The following FAHD2B variants were observed in gnomAD, a reference collection of about 807,000 sequenced individuals.
FAHD2B encodes the protein fumarylacetoacetate hydrolase domain containing 2B, also known as oxaloacetate tautomerase FAHD2B, mitochondrial.
A neutral mutation model predicts 33.7 loss-of-function variants in FAHD2B; 26 were observed. That is an observed-to-expected ratio of 0.77 (90% confidence interval 0.57 to 1.07). The LOEUF (loss-of-function observed/expected upper bound fraction) is 1.07, where lower values mean the gene tolerates loss of function less well. FAHD2B is among the 50% of genes least tolerant of loss of function. The pLI is 0.00. For missense variants in FAHD2B, 272 were observed against 388.1 expected, an observed-to-expected ratio of 0.70 and a Z score of 2.51; for synonymous variants, 108 against 150.9, an observed-to-expected ratio of 0.72 and a Z score of 2.08.
At chr2:97,079,241 A>G (rs532356948), downstream of FAHD2B, among the ~76,000 whole-genome samples, 2 of 152,132 alleles carry the variant, frequency 1.3e-5, no homozygotes, top group African/African-American at 4.8e-5. Context: ...GCATGCATGC[A>G]TGTGTCTTTA....
downstream of FAHD2B, among the ~76,000 whole-genome samples, chr2:97,079,975 C>T (rs1374816691): frequency 2.0e-5 from 3 of 152,034 alleles, no homozygotes; most frequent in Non-Finnish European, 4.4e-5. Context: ...AAGTTTCTTA[C>T]AGATGCTAGA....
At chr2:97,080,343 A>T (rs2031599076), downstream of FAHD2B, among the ~76,000 whole-genome samples, 1 of 151,934 alleles carries the variant, frequency 6.6e-6, no homozygotes, top group African/African-American at 2.4e-5. Flanking sequence ...TTTATTAGAG[A>T]ATCCTTTCTC....
downstream of FAHD2B, chr2:97,081,333 T>C (rs185049110): frequency 1.8e-4 from 285 of 1,542,606 alleles, no homozygotes; most frequent in Non-Finnish European, 2.4e-4. Context: ...ATGCTCTACC[T>C]CTGAAACCTC....
intron 6 of FAHD2B, 33 bp downstream of exon 6, chr2:97,085,666 G>T (rs374754991): frequency 6.2e-7 from 1 of 1,612,414 alleles, no homozygotes; most frequent in Non-Finnish European, 8.5e-7. Flanking sequence ...CTGTGCAATG[G>T]TAGGTACCAG....
chr2:97,085,837 C>A lies in FAHD2B; in HGVS notation c.547G>T (p.Ala183Ser). 3 of 1,613,854 alleles carry A rather than the reference C, an allele frequency of 1.9e-6. No individual in the cohort carries two copies. Among genetic ancestry groups the A allele is most frequent in the Non-Finnish European group, 2.5e-6 (3 of 1,179,856 alleles). ...ACGTCATGAGCCACAGTGAAGCCGG[C>A]CACGTGGGCCATGGCATCTGTGGCC... is the stretch of plus-strand genomic sequence containing the variant. ...IKATDAMAHV[A>S]GFTVAHDVSA... The change falls in exon 6 of 9, where the codon GCC becomes TCC. Residue 183 changes from alanine (A) to serine (S), a missense_variant. Physicochemically the swap from Ala to Ser is moderately conservative, Grantham distance 99. Coordinates refer to ENST00000414820, the MANE Select transcript of FAHD2B (RefSeq NM_001320848.2).
At chr2:97,082,631 G>C, downstream of FAHD2B, 1 of 1,546,920 alleles carries the variant, frequency 6.5e-7, no homozygotes, top group Non-Finnish European at 8.9e-7. Flanking sequence ...CTTTAAACAA[G>C]AGGAGAGAAG....
chr2:97,081,104 G>C (rs1442252707), downstream of FAHD2B: 40 of 1,510,114 alleles, frequency 2.6e-5, 1 homozygote, highest in Non-Finnish European at 3.5e-5. Context: ...CCCCCAGCCT[G>C]TGCAGTGCGG....
At chr2:97,085,575 G>A in intron 6 of FAHD2B, 124 bp downstream of exon 6, 3 of 1,443,848 alleles carry the variant, frequency 2.1e-6, no homozygotes. Context: ...TCCCTGTATG[G>A]AGTCAGCAGT....
At chr2:97,080,168 T>C (rs892733770), downstream of FAHD2B, among the ~76,000 whole-genome samples, 5 of 152,162 alleles carry the variant, frequency 3.3e-5, no homozygotes, top group African/African-American at 4.8e-5. Context: ...TCTTTGCCCA[T>C]GTCTATGTTC....
intron 1 of FAHD2B, 96 bp from the exon 2 acceptor site, chr2:97,092,084 T>C (rs2032381638): frequency 5.5e-6 from 1 of 180,990 alleles, no homozygotes; most frequent in Non-Finnish European, 1.2e-5. Context: ...GATTCAGCTA[T>C]CAGGACTAAT....
At chr2:97,080,380 A>G (rs930503098), downstream of FAHD2B, among the ~76,000 whole-genome samples, 4 of 152,026 alleles carry the variant, frequency 2.6e-5, no homozygotes, top group African/African-American at 9.7e-5. Context: ...CAGGTTTGTC[A>G]AATATCGGAT....
At position 97,092,929 on chromosome 2, in the gene FAHD2B, T is replaced by C. The variant is rs183807909; in HGVS notation, c.-132-941A>G. 1.4e-4 allele frequency among the ~76,000 whole-genome samples: 18 copies of C among 127,416 alleles called. No individual in the cohort carries two copies. The East Asian group carries it at 2.6e-3, about 18-fold the overall frequency. 83.6% of individuals were successfully genotyped at this position (127,416 alleles called of 152,430 possible). On this transcript the variant is annotated intron_variant, in intron 1 of 8. Transcript: ENST00000414820. ...CAGAGGTTGTAGTGAGCCAAGAACA[T>C]GCCACATCCCTCCAGCCCAGGCAAC...
At chr2:97,093,152 TG>T (rs2032454086) in intron 1 of FAHD2B, among the ~76,000 whole-genome samples, 1 of 151,996 alleles carries the variant, frequency 6.6e-6, no homozygotes, top group Non-Finnish European at 1.5e-5. Context: ...CAGTTTGTAT[TG>T]TACAGCCTTC....
At chr2:97,093,456 A>G (rs1433596953) in intron 1 of FAHD2B, among the ~76,000 whole-genome samples, 1 of 148,618 alleles carries the variant, frequency 6.7e-6, no homozygotes, top group African/African-American at 2.5e-5. Context: ...TCTACCTACA[A>G]TGTCTGATTT....
intron 6 of FAHD2B, 34 bp downstream of exon 6, chr2:97,085,665 G>C (rs371597758): frequency 4.8e-5 from 78 of 1,612,424 alleles, no homozygotes; most frequent in East Asian, 3.1e-4. Flanking sequence ...TCTGTGCAAT[G>C]GTAGGTACCA....
downstream of FAHD2B, chr2:97,082,597 T>A: frequency 1.9e-6 from 3 of 1,574,010 alleles, no homozygotes; most frequent in Non-Finnish European, 1.7e-6. Flanking sequence ...CTGTCCAGTC[T>A]GAGTTCTATC....
At chr2:97,086,001 G>C in intron 5 of FAHD2B, 138 bp downstream of exon 5, 1 of 1,327,658 alleles carries the variant, frequency 7.5e-7, no homozygotes, top group Non-Finnish European at 1.1e-6. Flanking sequence ...GGCAGTGTCA[G>C]GGAGCAAGGA....
At chr2:97,092,201 T>G (rs757890167) in intron 1 of FAHD2B, among the ~76,000 whole-genome samples, 1 of 152,166 alleles carries the variant, frequency 6.6e-6, no homozygotes, top group Non-Finnish European at 1.5e-5. Flanking sequence ...GGTGGCAGCC[T>G]AGCATGGGCA....
chr2:97,081,355 G>C (rs575166685), downstream of FAHD2B: 2 of 1,570,662 alleles, frequency 1.3e-6, no homozygotes, highest in East Asian at 2.3e-5. Context: ...TGGGTGGTAG[G>C]TCTGGCCTTG....
Sources: allele counts gnomAD v4.1 joint callset (sites outside exome capture counted in the v4.1 genomes callset), GRCh38; gene constraint gnomAD v4.1.1; transcripts MANE v1.5; gene names NCBI Gene and HGNC (gene_info 2026-07-23, HGNC 2026-07-21).